FAM163B: variants seen among roughly 807,000 people sequenced by gnomAD.
FAM163B encodes the protein family with sequence similarity 163 member B.
A neutral mutation model predicts 7.6 loss-of-function variants in FAM163B; 4 were observed. That is an observed-to-expected ratio of 0.52 (90% confidence interval 0.26 to 1.20). The LOEUF (loss-of-function observed/expected upper bound fraction) is 1.20. Among genes scored for constraint, FAM163B ranks in the 50% most tolerant of loss-of-function variants. FAM163B has a pLI of 0.14. For synonymous variants in FAM163B, 120 were observed against 111.6 expected (o/e 1.07, Z -0.47); for missense variants, 250 against 243.0 (o/e 1.03, Z -0.19).
At chr9:133,586,549 C>A (rs964875457) in intron 1 of FAM163B, among the ~76,000 whole-genome samples, 75 of 152,346 alleles carry the variant, frequency 4.9e-4, no homozygotes, top group Non-Finnish European at 9.6e-4. Context: ...AAGCTCCCCC[C>A]AGACCCCAGC....
Position 133,578,857 on chromosome 9 carries a change from G to A in FAM163B, c.*165C>T. 7.5e-7 allele frequency: 1 copy of A among 1,325,706 alleles called. No homozygotes were observed. Among genetic ancestry groups the A allele is most frequent in the Non-Finnish European group, 9.9e-7 (1 of 1,005,306 alleles). The allele number at this position is 1,325,706 out of a possible 1,614,324, so 82.1% of individuals were successfully genotyped here. On this transcript the variant is annotated 3_prime_UTR_variant, in exon 3 of 3. Coordinates refer to ENST00000673969, the MANE Select transcript of FAM163B (RefSeq NM_001080515.3). The stretch of plus-strand genomic sequence containing the variant: ...TTTGTGTTCAATGAGCCTTATCCCT[G>A]CCACGAGCCTGGGGGCTCCCCAAGC...
chr9:133,585,097 G>T (rs1327403206), intron 1 of FAM163B, among the ~76,000 whole-genome samples: 1 of 152,240 alleles, frequency 6.6e-6, no homozygotes, highest in Non-Finnish European at 1.5e-5. Flanking sequence ...AGGGGGCCTG[G>T]GCGGGCAACA....
At chr9:133,592,951 G>A (rs1831576996) in intron 1 of FAM163B, among the ~76,000 whole-genome samples, 1 of 152,148 alleles carries the variant, frequency 6.6e-6, no homozygotes, top group Non-Finnish European at 1.5e-5. Flanking sequence ...CTCTAGGGGT[G>A]GGCTCACGAA....
intron 1 of FAM163B, among the ~76,000 whole-genome samples, chr9:133,582,247 A>G (rs1452124221): frequency 1.3e-5 from 2 of 152,228 alleles, no homozygotes; most frequent in African/African-American, 4.8e-5. Flanking sequence ...TACTGGTCCC[A>G]GCCTGTTGTC....
At chr9:133,607,787 C>G (rs1265275328) in intron 1 of FAM163B, among the ~76,000 whole-genome samples, 1 of 152,206 alleles carries the variant, frequency 6.6e-6, no homozygotes, top group African/African-American at 2.4e-5. Context: ...GAACAAAACC[C>G]CACATTTCCT....
rs1831726352 is a variant in FAM163B at position 133,601,309 on chromosome 9, C to G, written c.-24+7768G>C. ...CCTGAGCAGTCTTTGACCAAGGCTT[C>G]AGCAAAGACCCTGCCTGGAGCAATT... On this transcript the variant is annotated intron_variant, in intron 1 of 2. Coordinates refer to ENST00000673969, the MANE Select transcript of FAM163B (RefSeq NM_001080515.3). This position sits in a 1 kb window ranked among gnomAD's most constrained non-coding sequence, Gnocchi z 4.1. Among the ~76,000 whole-genome samples, 1 of 152,222 alleles carries G rather than the reference C, an allele frequency of 6.6e-6. No individual in the cohort carries two copies. Among genetic ancestry groups the G allele is most frequent in the African/African-American group, 2.4e-5 (1 of 41,458 alleles).
In FAM163B at chr9:133,578,441, C is replaced by G. The variant is rs1419682121; in HGVS notation, c.*581G>C. On this transcript the variant is annotated 3_prime_UTR_variant, in exon 3 of 3. Transcript: ENST00000673969. ...AGCTCAGCACGTGTCTCAGCCTAGG[C>G]AGACACTTGGCCCTTGAACCCGGAA... The G allele has an allele frequency of 6.6e-6, 1 of 152,452 alleles. No individual in the cohort carries two copies. Among genetic ancestry groups the G allele is most frequent in the African/African-American group, 2.4e-5 (1 of 41,460 alleles). The allele number at this position is 152,452 out of a possible 1,614,324, so 9.4% of individuals were successfully genotyped here.
intron 1 of FAM163B, among the ~76,000 whole-genome samples, chr9:133,602,326 G>A (rs1175964899): frequency 2.0e-5 from 3 of 152,202 alleles, no homozygotes; most frequent in Admixed American, 6.5e-5. Flanking sequence ...ATGTGCCTAC[G>A]CTTACCAGCT....
rs1212616461 is a variant in FAM163B at position 133,600,124 on chromosome 9, G to A, written c.-24+8953C>T. 2.0e-5 allele frequency among the ~76,000 whole-genome samples: 3 copies of A among 150,990 alleles called. No individual in the cohort carries two copies. Among genetic ancestry groups the A allele is most frequent in the Non-Finnish European group, 4.4e-5 (3 of 67,794 alleles). On this transcript the variant is annotated intron_variant, in intron 1 of 2. Transcript: ENST00000673969. The surrounding 1 kb of genome is among the most constrained non-coding windows in gnomAD (Gnocchi z 4.9). ...CTGAATGTGTGTGGTCTATGTGTAT[G>A]TGTGTCTGTGTGCGTGTGTGAATGT...
At chr9:133,604,994 C>A (rs989701699) in intron 1 of FAM163B, among the ~76,000 whole-genome samples, 1 of 152,180 alleles carries the variant, frequency 6.6e-6, no homozygotes, top group Non-Finnish European at 1.5e-5. Context: ...ATGGAGGTGG[C>A]GATGATCCTG....
At chr9:133,582,910 C>G (rs1336727857) in intron 1 of FAM163B, among the ~76,000 whole-genome samples, 1 of 152,182 alleles carries the variant, frequency 6.6e-6, no homozygotes. Context: ...CCGGAGGGAG[C>G]GAGGAAGGCC....
chr9:133,602,689 C>T (rs970182448), intron 1 of FAM163B, among the ~76,000 whole-genome samples: 1 of 152,146 alleles, frequency 6.6e-6, no homozygotes, highest in African/African-American at 2.4e-5. Flanking sequence ...AAGTTGACTA[C>T]ATTTTTAATT....
At chr9:133,599,258 G>GTCAGT (rs1588332713) in intron 1 of FAM163B, among the ~76,000 whole-genome samples, 1 of 152,176 alleles carries the variant, frequency 6.6e-6, no homozygotes, top group East Asian at 1.9e-4. Context: ...GTCAGGTCAG[G>GTCAGT]CTGCTGCTCA....
At chr9:133,591,101 C>A (rs1052146910) in intron 1 of FAM163B, among the ~76,000 whole-genome samples, 3 of 152,208 alleles carry the variant, frequency 2.0e-5, no homozygotes, top group Admixed American at 6.5e-5. Context: ...CCCGGACCAC[C>A]CCACTCATGA....
intron 1 of FAM163B, among the ~76,000 whole-genome samples, chr9:133,592,793 T>G (rs1195151793): frequency 6.6e-6 from 1 of 151,790 alleles, no homozygotes; most frequent in Non-Finnish European, 1.5e-5. Flanking sequence ...TCAGAAACTC[T>G]GGGGGTGAGG....
In FAM163B at chr9:133,606,490, C is replaced by A. The variant is rs1831791135; in HGVS notation, c.-24+2587G>T. On this transcript the variant is annotated intron_variant, in intron 1 of 2. Coordinates refer to ENST00000673969, the MANE Select transcript of FAM163B (RefSeq NM_001080515.3). This position sits in a 1 kb window ranked among gnomAD's most constrained non-coding sequence, Gnocchi z 4.0. ...CTCTGTAGGGTGGTCCCCAGGACCA[C>A]ATGCTCTTGGCATCCAAAAGCCTTT... Among the ~76,000 whole-genome samples, 1 of 152,248 alleles carries A rather than the reference C, an allele frequency of 6.6e-6. No individual in the cohort carries two copies. Among genetic ancestry groups the A allele is most frequent in the Non-Finnish European group, 1.5e-5 (1 of 68,044 alleles).
At chr9:133,579,646 C>T (rs1333940729) in intron 2 of FAM163B, among the ~76,000 whole-genome samples, 12 of 152,354 alleles carry the variant, frequency 7.9e-5, no homozygotes, top group African/African-American at 2.2e-4. Flanking sequence ...TCATCTCTTC[C>T]GCCCAGCAAC....
chr9:133,578,834 T>C lies in FAM163B; in HGVS notation c.*188A>G. The C allele has an allele frequency of 8.9e-7, 1 of 1,126,650 alleles. No individual in the cohort carries two copies. The highest frequency in any genetic ancestry group is 1.2e-6 in the Non-Finnish European group (1 of 832,762). The allele number at this position is 1,126,650 out of a possible 1,614,324, so 69.8% of individuals were successfully genotyped here. A position where few individuals can be genotyped will look rare whatever the true frequency, so the allele number is the denominator to read the frequency against. On this transcript the variant is annotated 3_prime_UTR_variant, in exon 3 of 3. Coordinates refer to ENST00000673969, the MANE Select transcript of FAM163B (RefSeq NM_001080515.3). ...GCTGTGCCTCCCCCCAGGACACATTTGTGTTCAATGAGCCTTATCCCTGCC... is the reference window on the plus strand; with the variant it reads ...GCTGTGCCTCCCCCCAGGACACATTCGTGTTCAATGAGCCTTATCCCTGCC...
At chr9:133,587,968 C>CG (rs2131231236) in intron 1 of FAM163B, among the ~76,000 whole-genome samples, 1 of 37,700 alleles carries the variant, frequency 2.7e-5, no homozygotes, top group African/African-American at 1.1e-4. Context: ...GGGGCGCGAA[C>CG]GGGGGGCGAG....
Sources: gnomAD v4.1 joint callset for allele counts (sites outside exome capture counted in the v4.1 genomes callset) on GRCh38, gnomAD v4.1.1 for gene constraint, Gnocchi (gnomAD v3.1) non-coding constraint, MANE v1.5 for transcripts, NCBI Gene and HGNC (gene_info 2026-07-23, HGNC 2026-07-21) for gene names.